ZNF121: variants seen among roughly 807,000 people sequenced by gnomAD.
ZNF121 encodes zinc finger protein 121.
A neutral mutation model predicts 2.4 loss-of-function variants in ZNF121; 1 was observed. The ratio of observed to expected loss-of-function variants is 0.41; its 90% CI spans 0.15 to 1.94. The LOEUF is 1.94. Ranked by LOEUF, ZNF121 falls within the 30% of genes most tolerant of loss-of-function variation. ZNF121 has a pLI of 0.30. For missense variants in ZNF121, 369 were observed against 466.3 expected, an observed-to-expected ratio of 0.79 and a Z score of 1.92; for synonymous variants, 173 against 158.6, an observed-to-expected ratio of 1.09 and a Z score of -0.68.
chr19:9,567,398 C>G (rs1245989887), intron 3 of ZNF121, among the ~76,000 whole-genome samples: 2 of 152,056 alleles, frequency 1.3e-5, no homozygotes, highest in African/African-American at 4.8e-5. Context: ...AATGCTGAAG[C>G]ACCAAGTTTT....
chr19:9,575,474 T>C (rs888037613), intron 1 of ZNF121, among the ~76,000 whole-genome samples: 34 of 151,572 alleles, frequency 2.2e-4, no homozygotes, highest in African/African-American at 8.0e-4. Context: ...CTGGGAGTAG[T>C]GGCTCACACC....
rs929690650 is a variant in ZNF121 at position 9,563,068 on chromosome 19, A to AC, written c.*2871_*2872insG. 14 of 151,284 alleles carry AC rather than the reference A, an allele frequency of 9.3e-5. No individual in the cohort carries two copies. Among genetic ancestry groups the AC allele is most frequent in the African/African-American group, 3.2e-4 (13 of 41,206 alleles). The allele number at this position is 151,284 out of a possible 1,614,324, so 9.4% of individuals were successfully genotyped here. A position where few individuals can be genotyped will look rare whatever the true frequency, so the allele number is the denominator to read the frequency against. ...ACCATGTCTCAAAAAAAAAAAAAAA[A>AC]AAAAAACTGGGATAGGCCAAAATCT... is the stretch of plus-strand genomic sequence containing the variant. On this transcript the variant is annotated 3_prime_UTR_variant, in exon 4 of 4. Transcript: ENST00000320451.
Position 9,578,171 on chromosome 19 carries a change from G to A in ZNF121, c.-160+6290C>T, listed in dbSNP as rs745761489. Among the ~76,000 whole-genome samples, 12 of 151,660 alleles carry A rather than the reference G, an allele frequency of 7.9e-5. 1 individual carries two copies. The highest frequency in any genetic ancestry group is 4.2e-4 in the South Asian group (2 of 4,806). ...CAAGAGGTGGAACTTGCAGTGAGCC[G>A]GAACTTGCAGTGAGCCCAGATCACA... On this transcript the variant is annotated intron_variant, in intron 1 of 3. Coordinates refer to ENST00000320451, the MANE Select transcript of ZNF121 (RefSeq NM_001008727.5).
At chr19:9,580,657 G>A (rs1262643469) in intron 1 of ZNF121, among the ~76,000 whole-genome samples, 1 of 152,208 alleles carries the variant, frequency 6.6e-6, no homozygotes. Context: ...CTGTAGACAA[G>A]AGCAATTTCA....
At chr19:9,582,906 AAT>A (rs2074257753) in intron 1 of ZNF121, among the ~76,000 whole-genome samples, 1 of 151,184 alleles carries the variant, frequency 6.6e-6, no homozygotes, top group Non-Finnish European at 1.5e-5. Flanking sequence ...ATACTAGAAT[AAT>A]ATTCTGATTA....
chr19:9,581,855 G>C (rs1274108298), intron 1 of ZNF121, among the ~76,000 whole-genome samples: 1 of 152,170 alleles, frequency 6.6e-6, no homozygotes, highest in Admixed American at 6.5e-5. Flanking sequence ...TGAAATACTA[G>C]TATTGTGGTT....
intron 1 of ZNF121, among the ~76,000 whole-genome samples, chr19:9,570,909 G>A (rs1311919781): frequency 6.6e-6 from 1 of 152,144 alleles, no homozygotes; most frequent in Non-Finnish European, 1.5e-5. Context: ...CGAGATGAAG[G>A]GGACCCAGAA....
chr19:9,569,354 G>C (rs999308892), intron 1 of ZNF121, among the ~76,000 whole-genome samples: 2 of 151,956 alleles, frequency 1.3e-5, no homozygotes, highest in African/African-American at 4.8e-5. Flanking sequence ...GCTGAGGTGG[G>C]AGAATCACCT....
intron 3 of ZNF121, 30 bp downstream of exon 3, chr19:9,568,062 TTGA>T (rs755751174): frequency 6.5e-7 from 1 of 1,536,486 alleles, no homozygotes; most frequent in South Asian, 1.2e-5. Flanking sequence ...CAATCTTTTT[TTGA>T]GTGTGGTAAA....
chr19:9,580,597 G>A (rs1395069141), intron 1 of ZNF121, among the ~76,000 whole-genome samples: 2 of 152,152 alleles, frequency 1.3e-5, no homozygotes, highest in Non-Finnish European at 2.9e-5. Context: ...ATATACATTT[G>A]TATGTGCTTT....
At position 9,566,727 on chromosome 19, in the gene ZNF121, G is replaced by A. The variant is rs75367556; in HGVS notation, c.386C>T (p.Thr129Ile). 3 of 1,613,584 alleles carry A rather than the reference G, an allele frequency of 1.9e-6. No individual in the cohort carries two copies. The highest frequency in any genetic ancestry group is 2.5e-6 in the Non-Finnish European group (3 of 1,179,970). Residue 129 changes from threonine to isoleucine, a missense_variant, in exon 4 of 4, where the codon ACA (threonine) becomes ATA (isoleucine). Physicochemically the swap from Thr to Ile is moderately conservative, Grantham distance 89. This residue lies in a region of ZNF121 where 168 missense variants were observed against 162.3 expected (regional missense o/e 1.03). Coordinates refer to ENST00000320451, the MANE Select transcript of ZNF121 (RefSeq NM_001008727.5). The part of the protein sequence containing the change: ...KQCGRAFTYS[T>I]SHAVSVKMHT... ...CATTTTAACAGACACAGCATGGCTT[G>A]TGGAGTAAGTAAAAGCTCTCCCACA... is the stretch of plus-strand genomic sequence containing the variant.
chr19:9,581,764 G>C (rs75271474), intron 1 of ZNF121, among the ~76,000 whole-genome samples: 1 of 152,136 alleles, frequency 6.6e-6, no homozygotes, highest in African/African-American at 2.4e-5. Context: ...AAACATCCAA[G>C]AGCATACGTT....
intron 1 of ZNF121, among the ~76,000 whole-genome samples, chr19:9,569,481 T>C (rs1304616041): frequency 6.6e-6 from 1 of 151,960 alleles, no homozygotes; most frequent in African/African-American, 2.4e-5. Flanking sequence ...AAAACGTGTA[T>C]TCAAATAGGA....
chr19:9,571,758 T>A (rs1264183116), intron 1 of ZNF121, among the ~76,000 whole-genome samples: 1 of 152,170 alleles, frequency 6.6e-6, no homozygotes, highest in Non-Finnish European at 1.5e-5. Flanking sequence ...AACACATTTT[T>A]AAAAATTAGA....
intron 1 of ZNF121, among the ~76,000 whole-genome samples, chr19:9,573,724 G>A (rs957578444): frequency 4.6e-5 from 7 of 152,104 alleles, no homozygotes; most frequent in African/African-American, 1.7e-4. Context: ...CAAAGGTCAA[G>A]GACAAAGACA....
chr19:9,570,465 G>A (rs909263361), intron 1 of ZNF121, among the ~76,000 whole-genome samples: 1 of 152,156 alleles, frequency 6.6e-6, no homozygotes, highest in Admixed American at 6.6e-5. Flanking sequence ...GTAGTGGCGG[G>A]AGTGTCGTAA....
intron 1 of ZNF121, among the ~76,000 whole-genome samples, chr19:9,576,972 T>C (rs1186363800): frequency 6.6e-6 from 1 of 151,998 alleles, no homozygotes; most frequent in Non-Finnish European, 1.5e-5. Flanking sequence ...ATGAATCCCA[T>C]CAAAGAAAAG....
chr19:9,568,033 A>AT (rs1949408564), intron 3 of ZNF121, 62 bp downstream of exon 3: 3 of 1,496,832 alleles, frequency 2.0e-6, no homozygotes, highest in Admixed American at 2.1e-5. Flanking sequence ...ATTTTTGCTG[A>AT]TTTTTTATAA....
rs2074131442 is a variant in ZNF121 at position 9,566,306 on chromosome 19, T to C, written c.807A>G (p.Ser269=). The C allele has an allele frequency of 6.2e-7, 1 of 1,613,998 alleles. No individual in the cohort carries two copies. The highest frequency in any genetic ancestry group is 8.5e-7 in the Non-Finnish European group (1 of 1,179,976). The part of the protein sequence containing the change: ...KVCGKSFRSS[S]CLKNHFRIHT... ...GAATTCTAAAGTGATTCTTAAGGCATGAAGAGCTTCTGAAGGATTTTCCAC... is the reference window on the plus strand; with the variant it reads ...GAATTCTAAAGTGATTCTTAAGGCACGAAGAGCTTCTGAAGGATTTTCCAC... The change falls in exon 4 of 4, where the codon TCA becomes TCG. Residue 269 remains serine (S), a synonymous_variant. Transcript: ENST00000320451.
Sources: gnomAD v4.1 joint callset for allele counts (sites outside exome capture counted in the v4.1 genomes callset) on GRCh38, gnomAD v4.1.1 for gene constraint, gnomAD v4.1.1 regional missense constraint, MANE v1.5 for transcripts, NCBI Gene and HGNC (gene_info 2026-07-23, HGNC 2026-07-21) for gene names.